Variants in DYNC2I1 observed in about 807,000 individuals in gnomAD.
DYNC2I1 encodes the protein dynein 2 intermediate chain 1.
In DYNC2I1, 89 loss-of-function variants were observed where a neutral mutation model predicts 133.4. That is an observed-to-expected ratio of 0.67 (90% CI 0.56 to 0.80). The LOEUF (loss-of-function observed/expected upper bound fraction) is 0.80, where lower values mean the gene tolerates loss of function less well. Among genes scored for constraint, DYNC2I1 ranks in the 30% least tolerant of loss-of-function variants. DYNC2I1 has a pLI of 0.00. For synonymous variants in DYNC2I1, 504 were observed against 484.3 expected (o/e 1.04, Z -0.54); for missense variants, 1,291 against 1,314.5 (o/e 0.98, Z 0.28).
downstream of DYNC2I1, among the ~76,000 whole-genome samples, chr7:158,949,521 T>C (rs1851989687): frequency 6.6e-6 from 1 of 152,158 alleles, no homozygotes; most frequent in Non-Finnish European, 1.5e-5. Flanking sequence ...TGGCAGCCCG[T>C]CTGTTGAGGG....
chr7:158,930,481 C>G lies in DYNC2I1; in HGVS notation c.2512C>G (p.Leu838Val), dbSNP rs770020503. ...TCTGATGCCTGGAGGGAGGGTCAAG[C>G]TGGTACATAGTGCTCTGATCCAGTT... ...LGLMPGGRVKLVHSALIQLGD... is the reference protein window; with the variant it reads ...LGLMPGGRVKVVHSALIQLGD... The change falls in exon 21 of 25, where the codon CTG (leucine) becomes GTG (valine). Residue 838 changes from leucine to valine, a missense_variant. Physicochemically the swap from Leu to Val is conservative, Grantham distance 32. Transcript: ENST00000407559. 3.1e-6 allele frequency: 5 copies of G among 1,612,934 alleles called. No homozygotes were observed. In the African/African-American group the frequency reaches 6.7e-5, roughly 22 times the overall value.
Position 158,876,625 on chromosome 7 carries a change from T to C in DYNC2I1, c.507T>C (p.Ser169=). ...TTCTTGTAGTAAGTAAAGTAAGAAG[T>C]GAAGAGAAAGATGAAGACTCTGAAA... is the stretch of plus-strand genomic sequence containing the variant. ...RKGRSVSKVR[S]EEKDEDSERG... The change falls in exon 4 of 25, where the codon AGT becomes AGC. Residue 169 remains serine, a synonymous_variant. Coordinates refer to ENST00000407559, the MANE Select transcript of DYNC2I1 (RefSeq NM_018051.5). The C allele has an allele frequency of 6.3e-7, 1 of 1,576,212 alleles. No individual in the cohort carries two copies. Among genetic ancestry groups the C allele is most frequent in the Non-Finnish European group, 8.6e-7 (1 of 1,168,084 alleles).
rs779716939 is a variant in DYNC2I1, at chr7:158,880,006, T to C, written c.879+17T>C. 1.0e-5 allele frequency: 16 copies of C among 1,565,590 alleles called. No homozygotes were observed. Among genetic ancestry groups the C allele is most frequent in the South Asian group, 2.4e-5 (2 of 82,534 alleles). On this transcript the variant is annotated intron_variant, in intron 5 of 24. Transcript: ENST00000407559. ...GAATCCCAGGTACCCCTTCTGATGC[T>C]TCGTTGCCTTAGCAGCCGCCCCGAG...
chr7:158,888,723 G>T (rs1053791382), intron 7 of DYNC2I1, among the ~76,000 whole-genome samples: 1 of 152,102 alleles, frequency 6.6e-6, no homozygotes, highest in African/African-American at 2.4e-5. Flanking sequence ...ACCTGCTTTG[G>T]CCTCCCAAAG....
chr7:158,885,215 G>C (rs186056064), intron 6 of DYNC2I1, among the ~76,000 whole-genome samples: 185 of 152,224 alleles, frequency 1.2e-3, no homozygotes, highest in Non-Finnish European at 2.2e-3. Flanking sequence ...TGGGGGTGGG[G>C]GTCAGCCTTG....
chr7:158,953,185 C>T (rs1032177905), intron 4 of DYNC2I1, among the ~76,000 whole-genome samples: 4 of 127,266 alleles, frequency 3.1e-5, no homozygotes, highest in African/African-American at 1.1e-4. Flanking sequence ...CTACCCTCCT[C>T]GCCCTCCTCT....
intron 20 of DYNC2I1, among the ~76,000 whole-genome samples, chr7:158,929,395 A>G (rs1302653145): frequency 6.7e-6 from 1 of 149,906 alleles, no homozygotes; most frequent in Non-Finnish European, 1.5e-5. Context: ...AGGCCTGGCC[A>G]GAAAGGCTGC....
At chr7:158,931,558 T>C (rs1224769754) in intron 21 of DYNC2I1, among the ~76,000 whole-genome samples, 1 of 152,250 alleles carries the variant, frequency 6.6e-6, no homozygotes, top group Admixed American at 6.5e-5. Context: ...TTTTTATCTC[T>C]GCTAGGGCCC....
chr7:158,856,150 G>A (rs1431183539), upstream of DYNC2I1, among the ~76,000 whole-genome samples: 1 of 151,292 alleles, frequency 6.6e-6, no homozygotes, highest in Non-Finnish European at 1.5e-5. Flanking sequence ...GTTTCACCGT[G>A]TTAGCCAGGA....
chr7:158,843,128 T>C, the DYNC2I1 span, among the ~76,000 whole-genome samples: 2 of 152,222 alleles, frequency 1.3e-5, no homozygotes, highest in Non-Finnish European at 2.9e-5. Context: ...GGAGTCTTGC[T>C]CTGTTGCCCA....
At chr7:158,850,298 A>G in the DYNC2I1 span, among the ~76,000 whole-genome samples, 1 of 152,170 alleles carries the variant, frequency 6.6e-6, no homozygotes, top group Non-Finnish European at 1.5e-5. Flanking sequence ...GCCCAGGTCT[A>G]CAGTTGCACG....
At chr7:158,866,095 G>A (rs1842378125) in intron 1 of DYNC2I1, among the ~76,000 whole-genome samples, 1 of 120,276 alleles carries the variant, frequency 8.3e-6, no homozygotes. Context: ...GTCAGTATCA[G>A]TAATGTTAAC....
chr7:158,913,202 C>A, intron 13 of DYNC2I1, 106 bp downstream of exon 13: 1 of 881,998 alleles, frequency 1.1e-6, no homozygotes, highest in African/African-American at 1.7e-5. Context: ...TCTTTCTCTT[C>A]TGTATGGTTG....
chr7:158,953,875 G>A (rs1307926011), intron 4 of DYNC2I1, among the ~76,000 whole-genome samples: 1 of 151,942 alleles, frequency 6.6e-6, no homozygotes, highest in East Asian at 1.9e-4. Context: ...ATTAGCTTGG[G>A]GAAGGTGGTG....
chr7:158,958,660 C>G (rs1233960348), downstream of DYNC2I1, among the ~76,000 whole-genome samples: 2 of 152,362 alleles, frequency 1.3e-5, no homozygotes, highest in East Asian at 3.9e-4. Context: ...CTACCTTTGC[C>G]TCTTGAATAA....
chr7:158,904,415 C>G (rs566326022), intron 10 of DYNC2I1: 2 of 152,106 alleles, frequency 1.3e-5, no homozygotes, highest in East Asian at 3.9e-4. Flanking sequence ...AGTAAGAAAC[C>G]GTTTGGTAAA....
chr7:158,918,299 A>G (rs1164215206), intron 14 of DYNC2I1, among the ~76,000 whole-genome samples: 2 of 152,032 alleles, frequency 1.3e-5, no homozygotes, highest in Non-Finnish European at 2.9e-5. Flanking sequence ...TTGTCTCCCA[A>G]TCTTCTCTTT....
chr7:158,854,139 T>C (rs1244755995), upstream of DYNC2I1, among the ~76,000 whole-genome samples: 2 of 152,126 alleles, frequency 1.3e-5, no homozygotes, highest in African/African-American at 2.4e-5. Context: ...CAAGACCAGA[T>C]GAGCCAGTTT....
chr7:158,934,669 C>G (rs1201989568), intron 23 of DYNC2I1, 120 bp downstream of exon 23: 7 of 1,080,262 alleles, frequency 6.5e-6, no homozygotes. Context: ...CAGCCTTGAA[C>G]TCCTGGGCTC....
Sources: gnomAD v4.1 joint callset for allele counts (sites outside exome capture counted in the v4.1 genomes callset) on GRCh38, gnomAD v4.1.1 for gene constraint, MANE v1.5 for transcripts, NCBI Gene and HGNC (gene_info 2026-07-23, HGNC 2026-07-21) for gene names.